Variants in PCDH15 observed in about 807,000 individuals in gnomAD.
The protein encoded by PCDH15 is protocadherin related 15.
A neutral mutation model predicts 178.5 loss-of-function variants in PCDH15; 129 were observed. The ratio of observed to expected loss-of-function variants is 0.72; its 90% CI spans 0.63 to 0.84. The LOEUF (loss-of-function observed/expected upper bound fraction) is 0.84, where lower values mean the gene tolerates loss of function less well. Among genes scored for constraint, PCDH15 ranks in the 40% least tolerant of loss-of-function variants. The probability of loss-of-function intolerance (pLI) is 0.00; values close to 1 mark genes in which losing one functional copy is unlikely to be tolerated. For missense variants in PCDH15, 2,230 were observed against 2,099.9 expected (o/e 1.06, Z -1.21); for synonymous variants, 800 against 732.0 (o/e 1.09, Z -1.50).
At chr10:54,260,378 T>C (rs1344576814) in intron 8 of PCDH15, among the ~76,000 whole-genome samples, 1 of 133,336 alleles carries the variant, frequency 7.5e-6, no homozygotes, top group Non-Finnish European at 1.6e-5. Context: ...ACTGCATTCT[T>C]ATTAACTATG....
chr10:55,307,995 G>A (rs1199771375), intron 1 of PCDH15, among the ~76,000 whole-genome samples: 1 of 152,060 alleles, frequency 6.6e-6, no homozygotes, highest in African/African-American at 2.4e-5. Flanking sequence ...CTGAGTTAGA[G>A]ATTAATGAGA....
chr10:55,220,926 T>A (rs1840855347), intron 1 of PCDH15, among the ~76,000 whole-genome samples: 1 of 152,096 alleles, frequency 6.6e-6, no homozygotes, highest in Non-Finnish European at 1.5e-5. Context: ...ATAATTAGCT[T>A]GTAAATTATA....
At chr10:53,999,284 G>A (rs187982233) in intron 20 of PCDH15, among the ~76,000 whole-genome samples, 11 of 152,200 alleles carry the variant, frequency 7.2e-5, no homozygotes, top group African/African-American at 2.6e-4. Flanking sequence ...TGGGTGTATG[G>A]TTGATTGTTT....
chr10:54,987,622 T>C (rs1174832324), intron 2 of PCDH15, among the ~76,000 whole-genome samples: 1 of 152,170 alleles, frequency 6.6e-6, no homozygotes, highest in Non-Finnish European at 1.5e-5. Flanking sequence ...TCAGTGATGT[T>C]GAGCTTTTTT....
chr10:54,475,699 G>A (rs905217034), intron 3 of PCDH15, among the ~76,000 whole-genome samples: 1 of 151,642 alleles, frequency 6.6e-6, no homozygotes, highest in African/African-American at 2.4e-5. Flanking sequence ...CATTGCCTCT[G>A]AGGGCAAGAG....
At chr10:54,958,663 A>T (rs1248955721) in intron 2 of PCDH15, among the ~76,000 whole-genome samples, 1 of 151,808 alleles carries the variant, frequency 6.6e-6, no homozygotes, top group African/African-American at 2.4e-5. Flanking sequence ...AGTATAGTAC[A>T]ACTTACTATA....
intron 2 of PCDH15, among the ~76,000 whole-genome samples, chr10:55,407,052 C>T (rs1838213388): frequency 6.6e-6 from 1 of 151,956 alleles, no homozygotes; most frequent in South Asian, 2.1e-4. Flanking sequence ...CATCTATGGC[C>T]TTGACATGAT....
chr10:54,824,973 T>C (rs1465364480), intron 3 of PCDH15, among the ~76,000 whole-genome samples: 3 of 152,108 alleles, frequency 2.0e-5, no homozygotes, highest in African/African-American at 7.2e-5. Flanking sequence ...GCTGCACCCA[T>C]TAACTCCTCA....
At chr10:53,882,430 C>T (rs193098650) in intron 26 of PCDH15, among the ~76,000 whole-genome samples, 44 of 152,302 alleles carry the variant, frequency 2.9e-4, no homozygotes, top group Admixed American at 1.5e-3. Flanking sequence ...TGGACTTCGT[C>T]GCCCCCACTA....
At chr10:54,351,288 A>G (rs1944139211) in intron 5 of PCDH15, among the ~76,000 whole-genome samples, 1 of 152,130 alleles carries the variant, frequency 6.6e-6, no homozygotes, top group Non-Finnish European at 1.5e-5. Context: ...AACAAAAGAC[A>G]TGGCAGAAAG....
At chr10:54,859,644 A>T (rs1953806136) in intron 3 of PCDH15, among the ~76,000 whole-genome samples, 1 of 151,972 alleles carries the variant, frequency 6.6e-6, no homozygotes, top group Non-Finnish European at 1.5e-5. Flanking sequence ...GATCAACAGC[A>T]GTGTTCTCCA....
chr10:54,264,153 T>G (rs1256876356), intron 8 of PCDH15, among the ~76,000 whole-genome samples: 1 of 152,126 alleles, frequency 6.6e-6, no homozygotes, highest in Non-Finnish European at 1.5e-5. Context: ...GCAGATGGCC[T>G]ATTGTGGGAC....
chr10:54,321,014 C>G (rs1388837856), intron 7 of PCDH15, among the ~76,000 whole-genome samples: 5 of 150,952 alleles, frequency 3.3e-5, no homozygotes, highest in Non-Finnish European at 7.4e-5. Flanking sequence ...TATATATAAA[C>G]TGGAAGCTTC....
chr10:54,513,776 C>G (rs773245521), intron 3 of PCDH15, among the ~76,000 whole-genome samples: 4 of 152,146 alleles, frequency 2.6e-5, no homozygotes, highest in South Asian at 2.1e-4. Flanking sequence ...TAATGGTTCA[C>G]TTTCTCAAAA....
chr10:55,298,577 G>A (rs992650900), intron 1 of PCDH15, among the ~76,000 whole-genome samples: 8 of 151,982 alleles, frequency 5.3e-5, no homozygotes, highest in Admixed American at 1.3e-4. Flanking sequence ...ACTGGATAGT[G>A]TCGACTTATT....
At chr10:54,696,711 T>G (rs1247398195) in intron 1 of PCDH15, among the ~76,000 whole-genome samples, 1 of 152,130 alleles carries the variant, frequency 6.6e-6, no homozygotes, top group Admixed American at 6.6e-5. Context: ...TTTTTGTATT[T>G]TAATTTCCAC....
At chr10:55,060,011 G>A (rs186360682) in intron 2 of PCDH15, among the ~76,000 whole-genome samples, 1 of 151,584 alleles carries the variant, frequency 6.6e-6, no homozygotes, top group African/African-American at 2.4e-5. Flanking sequence ...AGTTGAATTG[G>A]AACAACTTAT....
chr10:55,324,548 A>T (rs751374111), upstream of PCDH15, among the ~76,000 whole-genome samples: 21 of 152,188 alleles, frequency 1.4e-4, no homozygotes, highest in Non-Finnish European at 4.4e-5. Context: ...ATAGGCATGC[A>T]CCCAACACAG....
intron 2 of PCDH15, among the ~76,000 whole-genome samples, chr10:55,423,543 C>T (rs1174290490): frequency 6.6e-6 from 1 of 151,878 alleles, no homozygotes; most frequent in Non-Finnish European, 1.5e-5. Context: ...ATTTCCAGAG[C>T]TAATTAGCTC....
Sources: allele counts gnomAD v4.1 joint callset (sites outside exome capture counted in the v4.1 genomes callset), GRCh38; gene constraint gnomAD v4.1.1; transcripts MANE v1.5; gene names NCBI Gene and HGNC (gene_info 2026-07-23, HGNC 2026-07-21).